The following SLC30A8 variants were observed in gnomAD, a reference collection of about 807,000 sequenced individuals.
The protein encoded by SLC30A8 is solute carrier family 30 member 8.
Under a neutral mutation model 36.9 loss-of-function variants are expected in SLC30A8, and 27 were observed. The ratio of observed to expected loss-of-function variants is 0.73; its 90% CI spans 0.54 to 1.01. The LOEUF (loss-of-function observed/expected upper bound fraction) is 1.01. SLC30A8 is among the 50% of genes least tolerant of loss of function. SLC30A8 has a pLI of 0.00. For missense variants in SLC30A8, 439 were observed against 452.0 expected (o/e 0.97, Z 0.26); for synonymous variants, 164 against 172.4 (o/e 0.95, Z 0.38).
Position 117,157,757 on chromosome 8 carries a change from C to T in SLC30A8, c.485C>T (p.Ala162Val). Residue 162 changes from alanine (A) to valine (V), a missense_variant, in exon 4 of 8, where the codon GCA (alanine) becomes GTA (valine). Transcript: ENST00000456015. ...WVVTGVLVYL[A>V]CERLLYPDYQ... is the part of the protein sequence containing the mutation. ...GTGACTGGCGTGCTAGTGTACCTGG[C>T]ATGTGAGCGCCTGCTGTATCCTGAT... 3 of 1,614,118 alleles carry T rather than the reference C, an allele frequency of 1.9e-6. No individual in the cohort carries two copies. The highest frequency in any genetic ancestry group is 2.5e-6 in the Non-Finnish European group (3 of 1,179,996).
chr8:116,957,375 C>CT (rs1207007999), intron 1 of SLC30A8, among the ~76,000 whole-genome samples: 1 of 151,966 alleles, frequency 6.6e-6, no homozygotes, highest in African/African-American at 2.4e-5. Flanking sequence ...GGTTCAAGCG[C>CT]TTTTTCTGTC....
At chr8:117,010,899 G>A (rs912372305) in intron 1 of SLC30A8, among the ~76,000 whole-genome samples, 5 of 152,092 alleles carry the variant, frequency 3.3e-5, no homozygotes, top group South Asian at 2.1e-4. Context: ...AACACCAGGC[G>A]GATGGTGCTA....
chr8:117,055,702 CCATTTAGAT>C lies in SLC30A8; in HGVS notation c.-226+16445_-226+16453del, dbSNP rs1485074523. 3.9e-5 allele frequency: 6 copies of C among 152,256 alleles called. No homozygotes were observed. In the East Asian group the frequency reaches 1.2e-3, roughly 29 times the overall value. 9.4% of individuals were successfully genotyped at this position (152,256 alleles called of 1,614,324 possible). A position where few individuals can be genotyped will look rare whatever the true frequency, so the allele number is the denominator to read the frequency against. ...ACGTGAAGTAATGAAATAATGGAAA[CCATTTAGAT>C]GACCACTAATATAATGAGTGTTTGT... On this transcript the variant is annotated intron_variant, in intron 2 of 10. Coordinates refer to the SLC30A8 transcript ENST00000427715.
intron 2 of SLC30A8, among the ~76,000 whole-genome samples, chr8:117,119,374 G>C (rs1007935779): frequency 6.6e-6 from 1 of 151,880 alleles, no homozygotes; most frequent in Non-Finnish European, 1.5e-5. Context: ...TCATAATTTA[G>C]ATTGAGTTTC....
rs148655257 is a variant in SLC30A8 at position 116,992,465 on chromosome 8, T to G, written c.-266+41346T>G. On this transcript the variant is annotated intron_variant, in intron 1 of 10. Transcript: ENST00000427715. Reference sequence around the variant, plus strand: ...GCCCTAAATTGTCATGGGTTTTGTCTTCTTAGAGCATTTGCCTAGACACAA... The same window carrying G: ...GCCCTAAATTGTCATGGGTTTTGTCGTCTTAGAGCATTTGCCTAGACACAA... Among the ~76,000 whole-genome samples, 1,198 of 152,272 alleles carry G rather than the reference T, an allele frequency of 7.9e-3. 9 individuals carry two copies. Among genetic ancestry groups the G allele is most frequent in the Non-Finnish European group, 0.011 (719 of 68,032 alleles).
At chr8:117,021,475 A>T (rs1430419086) in intron 1 of SLC30A8, among the ~76,000 whole-genome samples, 1 of 152,234 alleles carries the variant, frequency 6.6e-6, no homozygotes, top group East Asian at 1.9e-4. Flanking sequence ...GCAAGATTTT[A>T]TTGAAGGAGA....
At chr8:117,064,380 C>T (rs958841533) in intron 2 of SLC30A8, among the ~76,000 whole-genome samples, 2 of 152,276 alleles carry the variant, frequency 1.3e-5, no homozygotes, top group East Asian at 3.9e-4. Context: ...ACATGTTCTT[C>T]AGGGACATGT....
At chr8:117,169,630 A>G (rs1399064663) in intron 6 of SLC30A8, among the ~76,000 whole-genome samples, 1 of 152,136 alleles carries the variant, frequency 6.6e-6, no homozygotes, top group East Asian at 1.9e-4. Flanking sequence ...TAATTGGCTC[A>G]TGGTTCTGCA....
intron 2 of SLC30A8, among the ~76,000 whole-genome samples, chr8:117,050,241 A>C (rs1817668779): frequency 6.6e-6 from 1 of 151,814 alleles, no homozygotes; most frequent in Admixed American, 6.6e-5. Flanking sequence ...CCCCTCAAAC[A>C]CTTGAGCAGG....
At chr8:117,148,241 T>C (rs763173603) in intron 2 of SLC30A8, among the ~76,000 whole-genome samples, 31 of 152,248 alleles carry the variant, frequency 2.0e-4, no homozygotes, top group Middle Eastern at 6.9e-3. Flanking sequence ...TTGCATTTGG[T>C]TTTAAAATTA....
At position 117,135,400 on chromosome 8, in the gene SLC30A8, T is replaced by A. The variant is rs573681084; in HGVS notation, c.71+2T>A. 10 of 1,578,418 alleles carry A rather than the reference T, an allele frequency of 6.3e-6. No individual in the cohort carries two copies. The African/African-American group carries it at 1.3e-4, about 21-fold the overall frequency. The stretch of plus-strand genomic sequence containing the variant: ...GATGTATGCTTTCACACTAGAAAGG[T>A]AATAGATGTCTGTGTCTGCTTCACA... On this transcript the variant is annotated splice_donor_variant, in intron 1 of 7. Coordinates refer to ENST00000456015, the MANE Select transcript of SLC30A8 (RefSeq NM_173851.3). LOFTEE classifies it high-confidence loss of function.
chr8:117,109,513 C>T (rs1820133173), intron 2 of SLC30A8, among the ~76,000 whole-genome samples: 1 of 152,046 alleles, frequency 6.6e-6, no homozygotes, highest in African/African-American at 2.4e-5. Context: ...GTTCCAGTCA[C>T]CTTTTAAATC....
intron 6 of SLC30A8, among the ~76,000 whole-genome samples, chr8:117,165,007 A>ATAAAATGGT (rs1169913594): frequency 6.6e-6 from 1 of 152,204 alleles, no homozygotes; most frequent in Non-Finnish European, 1.5e-5. Flanking sequence ...TTCATTTGGC[A>ATAAAATGGT]TAAAATGGTT....
Position 117,153,008 on chromosome 8 carries a change from C to T in SLC30A8, c.336C>T (p.Thr112=). 6.2e-6 allele frequency: 10 copies of T among 1,613,622 alleles called. No homozygotes were observed. The highest frequency in any genetic ancestry group is 8.5e-6 in the Non-Finnish European group (10 of 1,179,680). The change falls in exon 3 of 8, where the codon ACC becomes ACT. Residue 112 remains threonine (T), a synonymous_variant. Transcript: ENST00000456015. ...CTGCCCACCTCTTAATTGACCTGACCAGTTTCCTGCTCAGTCTCTTCTCCC... is the reference window on the plus strand; with the variant it reads ...CTGCCCACCTCTTAATTGACCTGACTAGTTTCCTGCTCAGTCTCTTCTCCC... ...TDAAHLLIDL[T]SFLLSLFSLW...
chr8:116,957,531 G>A (rs972867810), intron 1 of SLC30A8, among the ~76,000 whole-genome samples: 7 of 151,956 alleles, frequency 4.6e-5, no homozygotes, highest in African/African-American at 9.7e-5. Context: ...TTGGCCTCCC[G>A]AAGTGCTGGG....
At chr8:117,089,051 G>A (rs1819000469) in intron 2 of SLC30A8, among the ~76,000 whole-genome samples, 1 of 152,120 alleles carries the variant, frequency 6.6e-6, no homozygotes. Flanking sequence ...CCTCCTTGAA[G>A]TACTCCCTTC....
intron 1 of SLC30A8, among the ~76,000 whole-genome samples, chr8:117,036,751 T>C (rs996735729): frequency 2.0e-5 from 3 of 152,142 alleles, no homozygotes; most frequent in Non-Finnish European, 2.9e-5. Context: ...GTCCCTCTCT[T>C]GACATGTGGG....
intron 6 of SLC30A8, among the ~76,000 whole-genome samples, chr8:117,169,950 G>T (rs1823287524): frequency 1.3e-5 from 2 of 152,140 alleles, no homozygotes; most frequent in Admixed American, 1.3e-4. Context: ...ATCACCCAGA[G>T]ATTCTGATTT....
At chr8:117,057,269 G>C (rs1385876766) in intron 2 of SLC30A8, among the ~76,000 whole-genome samples, 1 of 152,108 alleles carries the variant, frequency 6.6e-6, no homozygotes, top group Non-Finnish European at 1.5e-5. Context: ...GACAAATAAA[G>C]ATTATACATG....
Sources: gnomAD v4.1 joint callset for allele counts (sites outside exome capture counted in the v4.1 genomes callset) on GRCh38, gnomAD v4.1.1 for gene constraint, MANE v1.5 for transcripts, NCBI Gene and HGNC (gene_info 2026-07-23, HGNC 2026-07-21) for gene names.